ZNF536: variants seen among roughly 807,000 people sequenced by gnomAD.
ZNF536 encodes zinc finger protein 536.
ZNF536 carries 13 observed loss-of-function variants against 84.5 expected under a neutral mutation model. The observed-to-expected ratio is 0.15, with a 90% CI of 0.10 to 0.24. The LOEUF is 0.24. Among genes scored for constraint, ZNF536 ranks in the 10% least tolerant of loss-of-function variants. ZNF536 has a pLI of 1.00. For synonymous variants in ZNF536, 811 were observed against 742.5 expected, an observed-to-expected ratio of 1.09 and a Z score of -1.50; for missense variants, 1,536 against 1,747.5, an observed-to-expected ratio of 0.88 and a Z score of 2.16.
chr19:30,242,883 G>A (rs2024032494), intron 1 of ZNF536, among the ~76,000 whole-genome samples: 1 of 152,056 alleles, frequency 6.6e-6, no homozygotes, highest in Non-Finnish European at 1.5e-5. Context: ...TGTCCTGGCT[G>A]TTTGGATACT....
intron 2 of ZNF536, among the ~76,000 whole-genome samples, chr19:30,341,088 T>G (rs1490062085): frequency 6.6e-6 from 1 of 151,996 alleles, no homozygotes; most frequent in Non-Finnish European, 1.5e-5. Flanking sequence ...GTGGAAAAAA[T>G]CATAAAACAG....
chr19:30,453,788 A>C (rs1806621250), intron 2 of ZNF536, among the ~76,000 whole-genome samples: 1 of 152,264 alleles, frequency 6.6e-6, no homozygotes, highest in African/African-American at 2.4e-5. Flanking sequence ...GCAGCAGTCC[A>C]GGCAGAATTC....
chr19:30,548,841 T>C lies in ZNF536; in HGVS notation c.3222T>C (p.Ser1074=), dbSNP rs774241143. ...CCAATATGATCAGCTCTCTAGACTC[T>C]GCTTCTGAGAAGATGGCCCAAGGTC... is the stretch of plus-strand genomic sequence containing the variant. ...GLSNMISSLD[S]ASEKMAQGQL... Residue 1074 remains serine, a synonymous_variant, in exon 4 of 5, where the codon TCT becomes TCC. Coordinates refer to ENST00000355537, the MANE Select transcript of ZNF536 (RefSeq NM_014717.3). 7.6e-5 allele frequency: 122 copies of C among 1,614,022 alleles called. 1 individual carries two copies. Among genetic ancestry groups the C allele is most frequent in the Non-Finnish European group, 9.5e-5 (112 of 1,180,042 alleles).
At chr19:30,609,832 ATCCATCCATCCACCCATCCG>A (rs1312526945) in intron 1 of ZNF536, among the ~76,000 whole-genome samples, 12 of 148,148 alleles carry the variant, frequency 8.1e-5, no homozygotes, top group East Asian at 8.0e-4. Context: ...CCACCCATGT[ATCCATCCATCCACCCATCCG>A]TCCATCCATC....
chr19:30,526,045 T>TC (rs547652081), intron 2 of ZNF536, among the ~76,000 whole-genome samples: 79 of 152,300 alleles, frequency 5.2e-4, no homozygotes, highest in South Asian at 1.0e-3. Context: ...CTGGGTCTTC[T>TC]CACCAAGGCC....
At chr19:30,353,563 G>A (rs2048002617) in intron 3 of ZNF536, among the ~76,000 whole-genome samples, 2 of 152,076 alleles carry the variant, frequency 1.3e-5, no homozygotes, top group Non-Finnish European at 2.9e-5. Context: ...AGAGCACTGG[G>A]TCTCCCCTAG....
chr19:30,494,791 C>CA (rs2054647923), intron 2 of ZNF536, among the ~76,000 whole-genome samples: 1 of 151,822 alleles, frequency 6.6e-6, no homozygotes. Flanking sequence ...ACTAAAAATA[C>CA]AAAAATCAGC....
At chr19:30,577,200 A>T (rs2046769731) in intron 1 of ZNF536, among the ~76,000 whole-genome samples, 1 of 152,202 alleles carries the variant, frequency 6.6e-6, no homozygotes, top group African/African-American at 2.4e-5. Flanking sequence ...AGCTTTAAAA[A>T]ATTAGATGGG....
chr19:30,455,093 G>C (rs901877025), intron 2 of ZNF536, among the ~76,000 whole-genome samples: 2 of 152,084 alleles, frequency 1.3e-5, no homozygotes, highest in African/African-American at 2.4e-5. Context: ...TCTCGTCCAC[G>C]AGTCCCGTTC....
intron 2 of ZNF536, among the ~76,000 whole-genome samples, chr19:30,456,107 A>G (rs1266635238): frequency 1.3e-5 from 2 of 152,194 alleles, no homozygotes; most frequent in Non-Finnish European, 1.5e-5. Context: ...AAAATTGGCA[A>G]TGGTTCAGAT....
downstream of ZNF536, among the ~76,000 whole-genome samples, chr19:30,560,335 C>T (rs2046117632): frequency 6.6e-6 from 1 of 151,932 alleles, no homozygotes; most frequent in Non-Finnish European, 1.5e-5. Context: ...CCCCCATAAA[C>T]CATCATCCAT....
intron 1 of ZNF536, among the ~76,000 whole-genome samples, chr19:30,379,684 T>A (rs1255985319): frequency 1.3e-5 from 2 of 151,142 alleles, no homozygotes; most frequent in Non-Finnish European, 2.9e-5. Flanking sequence ...GATGCCCAAG[T>A]AGGCTGCTCA....
rs1199094563 is a variant in ZNF536 at position 30,549,027 on chromosome 19, T to C, written c.3408T>C (p.Asp1136=). ...ASSSCPNKEP[D]GKAHSEEDVP... Reference sequence around the variant, plus strand: ...GTTCCTGCCCCAACAAGGAGCCTGATGGAAAGGCCCACTCTGAAGAGGATG... The same window carrying C: ...GTTCCTGCCCCAACAAGGAGCCTGACGGAAAGGCCCACTCTGAAGAGGATG... Residue 1136 remains aspartate (D), a synonymous_variant, in exon 4 of 5, where the codon GAT becomes GAC. Transcript: ENST00000355537. 8 of 1,614,150 alleles carry C rather than the reference T, an allele frequency of 5.0e-6. No individual in the cohort carries two copies. The highest frequency in any genetic ancestry group is 1.6e-4 in the Middle Eastern group (1 of 6,062).
intron 1 of ZNF536, among the ~76,000 whole-genome samples, chr19:30,678,209 T>C (rs916905249): frequency 1.4e-4 from 21 of 152,100 alleles, no homozygotes; most frequent in African/African-American, 5.1e-4. Flanking sequence ...TACCACAGCT[T>C]TCCTCTTCAA....
intron 3 of ZNF536, among the ~76,000 whole-genome samples, chr19:30,353,327 C>T (rs1353152689): frequency 2.0e-5 from 3 of 152,062 alleles, no homozygotes; most frequent in South Asian, 2.1e-4. Flanking sequence ...GCTACGGCCT[C>T]GTGTAATATC....
chr19:30,645,891 T>C (rs546376580), intron 1 of ZNF536, among the ~76,000 whole-genome samples: 11 of 152,296 alleles, frequency 7.2e-5, no homozygotes, highest in Middle Eastern at 6.8e-3. Context: ...AACTATTCGT[T>C]TGGCGAACAA....
chr19:30,283,968 C>G (rs972960765), intron 1 of ZNF536: 1 of 152,202 alleles, frequency 6.6e-6, no homozygotes, highest in Non-Finnish European at 1.5e-5. Context: ...TTTAGGCTCT[C>G]AACTAACCCA....
At chr19:30,333,180 A>AGT (rs57019340) in intron 2 of ZNF536, among the ~76,000 whole-genome samples, 7 of 151,602 alleles carry the variant, frequency 4.6e-5, no homozygotes, top group African/African-American at 1.5e-4. Context: ...TAAGTAAGTA[A>AGT]ATAAATAAAT....
At chr19:30,678,204 C>T (rs1021790437) in intron 1 of ZNF536, among the ~76,000 whole-genome samples, 1 of 152,218 alleles carries the variant, frequency 6.6e-6, no homozygotes. Context: ...CATGGTACCA[C>T]AGCTTTCCTC....
Sources: allele counts gnomAD v4.1 joint callset (sites outside exome capture counted in the v4.1 genomes callset), GRCh38; gene constraint gnomAD v4.1.1; transcripts MANE v1.5; gene names NCBI Gene and HGNC (gene_info 2026-07-23, HGNC 2026-07-21).